Variants in MGST2 observed in about 807,000 individuals in gnomAD.
The protein encoded by MGST2 is microsomal glutathione S-transferase 2.
In MGST2, 9 loss-of-function variants were observed where a neutral mutation model predicts 16.6. The observed-to-expected ratio is 0.54, with a 90% CI of 0.33 to 0.95. The LOEUF (loss-of-function observed/expected upper bound fraction) is 0.95. Ranked by LOEUF, MGST2 falls within the 40% of genes least tolerant of loss-of-function variation. MGST2 has a pLI of 0.03. For synonymous variants in MGST2, 79 were observed against 68.0 expected, an observed-to-expected ratio of 1.16 and a Z score of -0.79; for missense variants, 159 against 175.1, an observed-to-expected ratio of 0.91 and a Z score of 0.52.
chr4:139,753,484 A>G, the MGST2 span, among the ~76,000 whole-genome samples: 1 of 152,336 alleles, frequency 6.6e-6, no homozygotes, highest in Non-Finnish European at 1.5e-5. Context: ...CCTGACAGAA[A>G]AAAATTAAAG....
At chr4:139,686,176 G>T (rs1345741178) in intron 2 of MGST2, among the ~76,000 whole-genome samples, 7 of 152,142 alleles carry the variant, frequency 4.6e-5, no homozygotes, top group African/African-American at 1.7e-4. Flanking sequence ...TGGGAGCAGG[G>T]GGCTTCCAGC....
chr4:139,737,155 C>T (rs568056747), intron 5 of MGST2, among the ~76,000 whole-genome samples: 35 of 152,166 alleles, frequency 2.3e-4, no homozygotes, highest in African/African-American at 6.7e-4. Context: ...ACAAGTCCCT[C>T]GTGTAATAAG....
intron 1 of MGST2, among the ~76,000 whole-genome samples, chr4:139,666,342 C>G (rs529308669): frequency 1.3e-5 from 2 of 152,076 alleles, no homozygotes; most frequent in Non-Finnish European, 2.9e-5. Flanking sequence ...GGCCTCAGAG[C>G]TCAGCGATTC....
chr4:139,721,813 A>G (rs1277720105), intron 5 of MGST2, among the ~76,000 whole-genome samples: 1 of 152,234 alleles, frequency 6.6e-6, no homozygotes, highest in Non-Finnish European at 1.5e-5. Context: ...TGAAAAATCG[A>G]AAGTTCCTAG....
chr4:139,701,075 A>G lies in MGST2; in HGVS notation c.230-2380A>G, dbSNP rs147616215. Among the ~76,000 whole-genome samples the G allele has an allele frequency of 5.5e-3, 845 of 152,294 alleles. 5 individuals carry two copies. The highest frequency in any genetic ancestry group is 0.019 in the African/African-American group (798 of 41,556). ...ATGAATGAAACCGCTGTTCCTTGTC[A>G]CGTAAGAGCACGTTAACAACTAATA... On this transcript the variant is annotated intron_variant, in intron 3 of 4. Coordinates refer to ENST00000265498, the MANE Select transcript of MGST2 (RefSeq NM_002413.5).
At chr4:139,743,468 C>T (rs191075745), downstream of MGST2, among the ~76,000 whole-genome samples, 4 of 152,286 alleles carry the variant, frequency 2.6e-5, no homozygotes, top group Admixed American at 2.6e-4. Flanking sequence ...TTTATCCTCT[C>T]CCCCATTTTA....
chr4:139,730,675 G>C (rs1164892537), intron 5 of MGST2: 1 of 1,608,674 alleles, frequency 6.2e-7, no homozygotes. Flanking sequence ...CTCCTGGGAA[G>C]ACAAGAGAGA....
At chr4:139,678,474 T>A (rs1266590964) in intron 1 of MGST2, 69 bp from the exon 2 acceptor site, 2 of 1,160,342 alleles carry the variant, frequency 1.7e-6, no homozygotes, top group Non-Finnish European at 2.6e-6. Flanking sequence ...AATTGTGATT[T>A]AAATTTGCAT....
At chr4:139,666,136 CAAGGCTT>C in intron 1 of MGST2, 59 bp downstream of exon 1, 2 of 1,345,478 alleles carry the variant, frequency 1.5e-6, no homozygotes, top group Non-Finnish European at 2.1e-6. Flanking sequence ...GTGTGTGTGA[CAAGGCTT>C]GCGGGAGAGA....
intron 1 of MGST2, among the ~76,000 whole-genome samples, chr4:139,674,303 G>T (rs944854829): frequency 6.6e-6 from 1 of 152,144 alleles, no homozygotes; most frequent in African/African-American, 2.4e-5. Flanking sequence ...CAGGTCATAG[G>T]TAGATAGGAG....
downstream of MGST2, among the ~76,000 whole-genome samples, chr4:139,742,849 TA>T (rs1470242159): frequency 6.6e-6 from 1 of 152,194 alleles, no homozygotes; most frequent in Non-Finnish European, 1.5e-5. Flanking sequence ...ACTATAACAA[TA>T]GAGGCCTTCA....
At chr4:139,673,158 CAAG>C (rs1329573124) in intron 1 of MGST2, among the ~76,000 whole-genome samples, 2 of 152,104 alleles carry the variant, frequency 1.3e-5, no homozygotes, top group Non-Finnish European at 2.9e-5. Context: ...ACAAGTCAGA[CAAG>C]GAGATAGTGG....
At chr4:139,677,961 G>C (rs1177212570) in intron 1 of MGST2, among the ~76,000 whole-genome samples, 1 of 152,192 alleles carries the variant, frequency 6.6e-6, no homozygotes, top group Non-Finnish European at 1.5e-5. Flanking sequence ...GCCTGCTGGA[G>C]TTCTCAGCTT....
chr4:139,744,377 G>A (rs1397646896), downstream of MGST2, among the ~76,000 whole-genome samples: 1 of 152,064 alleles, frequency 6.6e-6, no homozygotes, highest in East Asian at 1.9e-4. Flanking sequence ...AAACAAATAA[G>A]CAAACAACCC....
intron 2 of MGST2, among the ~76,000 whole-genome samples, chr4:139,692,485 T>G (rs1199592038): frequency 6.6e-6 from 1 of 152,122 alleles, no homozygotes; most frequent in Non-Finnish European, 1.5e-5. Flanking sequence ...GGTTCTGGAG[T>G]GCCTTCCACC....
chr4:139,702,536 A>C (rs1482982697), intron 3 of MGST2, among the ~76,000 whole-genome samples: 1 of 151,920 alleles, frequency 6.6e-6, no homozygotes. Context: ...TGTTTCTTTT[A>C]ATTGAATAGA....
At chr4:139,708,380 C>T (rs181766134), downstream of MGST2, among the ~76,000 whole-genome samples, 70 of 152,178 alleles carry the variant, frequency 4.6e-4, no homozygotes, top group African/African-American at 1.4e-3. Context: ...TGTAGATATG[C>T]GGCATTATTT....
At chr4:139,719,488 A>G in intron 5 of MGST2, 1 of 1,614,022 alleles carries the variant, frequency 6.2e-7, no homozygotes, top group South Asian at 1.1e-5. Flanking sequence ...CATTCCGCTC[A>G]TAGGCTTGGC....
intron 5 of MGST2, chr4:139,718,160 T>G (rs1560765285): frequency 1.3e-5 from 2 of 152,054 alleles, no homozygotes; most frequent in South Asian, 2.1e-4. Flanking sequence ...CCTGGGGATA[T>G]CAGAAATATC....
Sources: gnomAD v4.1 joint callset for allele counts (sites outside exome capture counted in the v4.1 genomes callset) on GRCh38, gnomAD v4.1.1 for gene constraint, MANE v1.5 for transcripts, NCBI Gene and HGNC (gene_info 2026-07-23, HGNC 2026-07-21) for gene names.